Variants in SSR1 observed in about 807,000 individuals in gnomAD.
The protein encoded by SSR1 is translocon-associated protein subunit alpha.
SSR1 carries 13 observed loss-of-function variants against 36.1 expected under a neutral mutation model. That is an observed-to-expected ratio of 0.36 (90% CI 0.23 to 0.57). The LOEUF is 0.57. Among genes scored for constraint, SSR1 ranks in the 20% least tolerant of loss-of-function variants. The pLI is 0.81. For missense variants in SSR1, 291 were observed against 338.5 expected (o/e 0.86, Z 1.10); for synonymous variants, 113 against 118.9 (o/e 0.95, Z 0.32).
rs748643158 is a variant in SSR1, at chr6:7,287,924, TA to T, written c.*1939del. The T allele has an allele frequency of 6.7e-3, 947 of 141,744 alleles. 1 individual carries two copies. Among genetic ancestry groups the T allele is most frequent in the African/African-American group, 0.012 (474 of 38,828 alleles). 8.8% of individuals were successfully genotyped at this position (141,744 alleles called of 1,614,324 possible). A position where few individuals can be genotyped will look rare whatever the true frequency, so the allele number is the denominator to read the frequency against. ...GAGTTCAACTGTTCTCAATCTATGC[TA>T]AAAAAAAAAAAATGACAAATAATAA... On this transcript the variant is annotated 3_prime_UTR_variant, in exon 8 of 8. Transcript: ENST00000244763.
chr6:7,298,106 G>C (rs1757843116), intron 5 of SSR1, 105 bp from the exon 6 acceptor site: 1 of 820,016 alleles, frequency 1.2e-6, no homozygotes, highest in East Asian at 2.9e-5. Flanking sequence ...CAAATAACTT[G>C]TGGCGAAAAG....
At chr6:7,294,049 C>A (rs894082879) in intron 7 of SSR1, among the ~76,000 whole-genome samples, 1 of 152,004 alleles carries the variant, frequency 6.6e-6, no homozygotes, top group African/African-American at 2.4e-5. Context: ...TAATCTTAGA[C>A]CTAGTTACTC....
intron 1 of SSR1, among the ~76,000 whole-genome samples, chr6:7,310,394 TCCATGTTATTTTTAA>T (rs971807390): frequency 1.3e-5 from 2 of 152,036 alleles, no homozygotes; most frequent in African/African-American, 4.8e-5. Context: ...TTCCCTGCCT[TCCATGTTATTTTTAA>T]TGGGAAATGT....
chr6:7,295,214 A>C, intron 7 of SSR1, 178 bp downstream of exon 7: 1 of 1,200,196 alleles, frequency 8.3e-7, no homozygotes, highest in Non-Finnish European at 1.2e-6. Flanking sequence ...GCATAAGAAG[A>C]CTACACACTG....
intron 4 of SSR1, 75 bp from the exon 5 acceptor site, chr6:7,298,898 C>A (rs1757862486): frequency 8.4e-7 from 1 of 1,187,694 alleles, no homozygotes; most frequent in South Asian, 1.3e-5. Context: ...TTACTTAAAA[C>A]AGTTACTCTA....
intron 1 of SSR1, 73 bp downstream of exon 1, chr6:7,312,969 C>A: frequency 6.8e-7 from 1 of 1,476,156 alleles, no homozygotes; most frequent in East Asian, 2.5e-5. Context: ...GCGGCCACCG[C>A]CTCCAACTTC....
intron 2 of SSR1, among the ~76,000 whole-genome samples, chr6:7,304,931 G>A (rs1758023713): frequency 6.6e-6 from 1 of 152,170 alleles, no homozygotes; most frequent in Non-Finnish European, 1.5e-5. Flanking sequence ...AAGAGAGAGT[G>A]CACTCAAACA....
intron 7 of SSR1, chr6:7,295,074 A>T (rs1757763486): frequency 6.6e-7 from 1 of 1,506,236 alleles, no homozygotes; most frequent in African/African-American, 1.4e-5. Context: ...CATTAAAAAA[A>T]TTAAATGCCT....
intron 7 of SSR1, among the ~76,000 whole-genome samples, chr6:7,293,054 C>T (rs1348517185): frequency 6.6e-6 from 1 of 152,150 alleles, no homozygotes; most frequent in Non-Finnish European, 1.5e-5. Context: ...ACTACTCCCC[C>T]ACGGCAACCC....
At position 7,306,903 on chromosome 6, in the gene SSR1, C is replaced by A. The variant is rs115004144; in HGVS notation, c.192+3014G>T. On this transcript the variant is annotated intron_variant, in intron 2 of 7. Coordinates refer to ENST00000244763, the MANE Select transcript of SSR1 (RefSeq NM_003144.5). The stretch of plus-strand genomic sequence containing the variant: ...CTGCACTCCAGCCTGGGCGACAGAG[C>A]GAGACTCTGTCTGGGTGGTGGGGGG... 7.5e-5 allele frequency among the ~76,000 whole-genome samples: 9 copies of A among 120,670 alleles called. No individual in the cohort carries two copies. In the East Asian group the frequency reaches 1.4e-3, roughly 19 times the overall value. 79.2% of individuals were successfully genotyped at this position (120,670 alleles called of 152,430 possible). A position where few individuals can be genotyped will look rare whatever the true frequency, so the allele number is the denominator to read the frequency against.
intron 7 of SSR1, among the ~76,000 whole-genome samples, chr6:7,292,042 C>T (rs190471536): frequency 5.5e-4 from 84 of 152,216 alleles, no homozygotes; most frequent in Admixed American, 1.6e-3. Context: ...GCACTCCAGC[C>T]TGGGTGACAG....
In SSR1 at chr6:7,286,170, A is replaced by T. The variant is rs2113263843; in HGVS notation, c.*3694T>A. On this transcript the variant is annotated 3_prime_UTR_variant, in exon 8 of 8. Transcript: ENST00000244763. ...ACAGCACGTGATTGATGTTTAATAA[A>T]TGAGTTCCCTTCCCCCTTTCTTAAA... is the stretch of plus-strand genomic sequence containing the variant. 1 of 152,304 alleles carries T rather than the reference A, an allele frequency of 6.6e-6. No homozygotes were observed. Among genetic ancestry groups the T allele is most frequent in the African/African-American group, 2.4e-5 (1 of 41,560 alleles). The allele number at this position is 152,304 out of a possible 1,614,324, so 9.4% of individuals were successfully genotyped here.
Position 7,282,591 on chromosome 6 carries a change from C to G in SSR1, c.*7273G>C, listed in dbSNP as rs1166756846. ...ATCAGTCAAAAAGCCTGTGTGGTCACAGATGCTTACTGGTGGTTCCTGAAA... is the reference window on the plus strand; with the variant it reads ...ATCAGTCAAAAAGCCTGTGTGGTCAGAGATGCTTACTGGTGGTTCCTGAAA... On this transcript the variant is annotated 3_prime_UTR_variant, in exon 8 of 8. Transcript: ENST00000244763. The G allele has an allele frequency of 6.6e-6, 1 of 152,300 alleles. No individual in the cohort carries two copies. Among genetic ancestry groups the G allele is most frequent in the Non-Finnish European group, 1.5e-5 (1 of 68,092 alleles). The allele number at this position is 152,300 out of a possible 1,614,324, so 9.4% of individuals were successfully genotyped here. A position where few individuals can be genotyped will look rare whatever the true frequency, so the allele number is the denominator to read the frequency against.
At chr6:7,302,734 C>G (rs1397714875) in intron 3 of SSR1, among the ~76,000 whole-genome samples, 2 of 152,066 alleles carry the variant, frequency 1.3e-5, no homozygotes, top group East Asian at 3.9e-4. Flanking sequence ...TGCACTGCAG[C>G]CTGGCAACAG....
Position 7,301,310 on chromosome 6 carries a change from G to A in SSR1, c.543C>T (p.Asn181=), listed in dbSNP as rs370434717. ...AAAAAGAAGGTTTAGAGGATCTTAC[G>A]TTCAAATCTTTGTAGTTCAGATTGA... ...LVINLNYKDL[N]GNVFQDAVFN... is the part of the protein sequence containing the mutation. The change falls in exon 4 of 8, where the codon AAC becomes AAT. Residue 181 remains asparagine, a splice_region_variant and synonymous_variant. Transcript: ENST00000244763. The A allele has an allele frequency of 8.1e-5, 130 of 1,613,118 alleles. No individual in the cohort carries two copies. The African/African-American group carries it at 1.0e-3, about 12-fold the overall frequency.
At chr6:7,301,677 G>A in intron 3 of SSR1, 105 bp from the exon 4 acceptor site, 1 of 1,243,902 alleles carries the variant, frequency 8.0e-7, no homozygotes, top group South Asian at 1.5e-5. Flanking sequence ...TGTGGACTTT[G>A]GTGTCAGAAT....
At position 7,313,113 on chromosome 6, in the gene SSR1, A is replaced by AGTCTCGTGGCGC. The variant is rs776880624; in HGVS notation, c.7_8insGCGCCACGAGAC (p.Arg2_Leu3insArgAlaThrArg). The AGTCTCGTGGCGC allele has an allele frequency of 6.2e-6, 10 of 1,605,490 alleles. No individual in the cohort carries two copies. The South Asian group carries it at 1.1e-4, about 18-fold the overall frequency. On this transcript the variant is annotated inframe_insertion, in exon 1 of 8. Transcript: ENST00000244763. ...GAGAAGCAGCAGCAAGCGGGGGAGG[A>AGTCTCGTGGCGC]GTCTCATGGCGCTGCCGGTCCAGTG...
chr6:7,297,768 A>G (rs764941988), intron 6 of SSR1, among the ~76,000 whole-genome samples, 155 bp downstream of exon 6: 4 of 152,200 alleles, frequency 2.6e-5, no homozygotes, highest in Admixed American at 6.6e-5. Flanking sequence ...ATCAATTTAC[A>G]TATCTAAGGC....
chr6:7,293,864 G>A (rs1757735337), intron 7 of SSR1, among the ~76,000 whole-genome samples: 1 of 152,168 alleles, frequency 6.6e-6, no homozygotes, highest in Non-Finnish European at 1.5e-5. Flanking sequence ...TATGTATAAA[G>A]GAGCTGAACC....
Sources: allele counts gnomAD v4.1 joint callset (sites outside exome capture counted in the v4.1 genomes callset), GRCh38; gene constraint gnomAD v4.1.1; transcripts MANE v1.5; gene names NCBI Gene and HGNC (gene_info 2026-07-23, HGNC 2026-07-21).